CDON: variants seen among roughly 807,000 people sequenced by gnomAD.
The protein encoded by CDON is cell adhesion molecule-related/down-regulated by oncogenes.
In CDON, 73 loss-of-function variants were observed where a neutral mutation model predicts 120.9. That is an observed-to-expected ratio of 0.60 (90% CI 0.50 to 0.73). CDON has a LOEUF of 0.73. CDON is among the 30% of genes least tolerant of loss of function. The pLI, the probability that CDON is intolerant of heterozygous loss-of-function variation, is 0.00. For missense variants in CDON, 1,470 were observed against 1,587.3 expected (o/e 0.93, Z 1.26); for synonymous variants, 566 against 573.5 (o/e 0.99, Z 0.19).
chr11:125,966,162 A>G (rs2134360251), intron 18 of CDON, among the ~76,000 whole-genome samples: 1 of 152,216 alleles, frequency 6.6e-6, no homozygotes, highest in Non-Finnish European at 1.5e-5. Flanking sequence ...AATTCGATAA[A>G]AAGTACTGGG....
intron 17 of CDON, among the ~76,000 whole-genome samples, chr11:125,979,758 A>G (rs1341121122): frequency 1.3e-5 from 2 of 152,218 alleles, no homozygotes; most frequent in Non-Finnish European, 2.9e-5. Flanking sequence ...GTTTTCTTGG[A>G]CAATGGTAGT....
At chr11:126,058,022 A>G (rs1053366934) in intron 1 of CDON, among the ~76,000 whole-genome samples, 12 of 152,358 alleles carry the variant, frequency 7.9e-5, no homozygotes, top group Middle Eastern at 3.4e-3. Context: ...CCAGGCTCAC[A>G]TAAATAACAA....
At chr11:126,036,276 C>G (rs191920502) in intron 1 of CDON, among the ~76,000 whole-genome samples, 51 of 152,138 alleles carry the variant, frequency 3.4e-4, no homozygotes, top group African/African-American at 8.2e-4. Flanking sequence ...ACATTATGAC[C>G]CAATTTATTC....
At chr11:126,005,331 C>A (rs112109969) in intron 9 of CDON, 4,460 of 34,496 alleles carry the variant, frequency 0.13, 73 homozygotes, top group Middle Eastern at 0.22. Context: ...AACAAACAAA[C>A]AAAAAAAAAC....
At chr11:125,984,932 T>C (rs1281865962) in intron 15 of CDON, among the ~76,000 whole-genome samples, 3 of 152,088 alleles carry the variant, frequency 2.0e-5, no homozygotes, top group African/African-American at 7.2e-5. Context: ...CCCGTGTAGG[T>C]GCAGTACTTT....
intron 18 of CDON, among the ~76,000 whole-genome samples, chr11:125,970,113 T>C (rs1003420044): frequency 6.6e-6 from 1 of 152,046 alleles, no homozygotes; most frequent in African/African-American, 2.4e-5. Flanking sequence ...GTGTGATACT[T>C]GTTCTCATGC....
chr11:126,046,157 T>C (rs543970), intron 1 of CDON, among the ~76,000 whole-genome samples: 17,249 of 152,200 alleles, frequency 0.11, 1,305 homozygotes, highest in Middle Eastern at 0.24. Context: ...GGTATTGGGA[T>C]GGTAGGATAA....
At chr11:125,966,067 G>T (rs1855630950) in intron 18 of CDON, among the ~76,000 whole-genome samples, 1 of 151,818 alleles carries the variant, frequency 6.6e-6, no homozygotes, top group South Asian at 2.1e-4. Flanking sequence ...AACCCGAGAG[G>T]CAGAGGTTGT....
At chr11:126,009,723 C>A (rs1352966079) in intron 8 of CDON, among the ~76,000 whole-genome samples, 1 of 152,152 alleles carries the variant, frequency 6.6e-6, no homozygotes, top group African/African-American at 2.4e-5. Flanking sequence ...GGGAAAGCTG[C>A]CCTAAATGCC....
In CDON at chr11:126,018,028, T is replaced by C. The variant is rs138654254; in HGVS notation, c.640+302A>G. Among the ~76,000 whole-genome samples, 1,162 of 152,226 alleles carry C rather than the reference T, an allele frequency of 7.6e-3. 21 individuals are homozygous for C. The highest frequency in any genetic ancestry group is 0.027 in the African/African-American group (1,113 of 41,538). ...GATTCTACTGCCTCAGCCTCTCAAGTAGCTGGGACTACAGGCATGTGCTGC... is the reference window on the plus strand; with the variant it reads ...GATTCTACTGCCTCAGCCTCTCAAGCAGCTGGGACTACAGGCATGTGCTGC... On this transcript the variant is annotated intron_variant, in intron 5 of 19. Coordinates refer to ENST00000531738, the MANE Select transcript of CDON (RefSeq NM_001378964.1).
intron 16 of CDON, among the ~76,000 whole-genome samples, chr11:125,981,963 CTATTTTCTTTTTTT>C (rs1946316533): frequency 1.2e-4 from 4 of 34,154 alleles, no homozygotes; most frequent in East Asian, 1.1e-3. Context: ...AAAAGTGATT[CTATTTTCTTTTTTT>C]TTTTTTTTTT....
chr11:126,004,513 T>A (rs545341747), intron 9 of CDON: 2 of 174,098 alleles, frequency 1.1e-5, no homozygotes, highest in African/African-American at 4.9e-5. Flanking sequence ...ATATGAATTA[T>A]ATAATTATGT....
chr11:125,973,305 G>C (rs1466609794), intron 18 of CDON, among the ~76,000 whole-genome samples: 1 of 152,086 alleles, frequency 6.6e-6, no homozygotes, highest in Non-Finnish European at 1.5e-5. Flanking sequence ...GGCCAAGACG[G>C]GTGGATCATG....
intron 1 of CDON, among the ~76,000 whole-genome samples, chr11:126,024,790 A>G (rs1947745670): frequency 6.6e-6 from 1 of 152,152 alleles, no homozygotes; most frequent in African/African-American, 2.4e-5. Context: ...AGGAGAGGAG[A>G]AGAGATAAAA....
chr11:126,011,035 C>A, intron 7 of CDON: 4 of 377,886 alleles, frequency 1.1e-5, no homozygotes, highest in East Asian at 7.3e-5. Context: ...CAGACCTTAA[C>A]AGGAAAAATG....
rs187578348 is a variant in CDON at position 126,055,907 on chromosome 11, G to A, written c.-62+6672C>T. On this transcript the variant is annotated intron_variant, in intron 1 of 19. Transcript: ENST00000531738. Reference sequence around the variant, plus strand: ...ATTACATTTAAAGTGAAAAGAGCCAGCAAGTCGAGGCAATCTCCAACTTTA... The same window carrying A: ...ATTACATTTAAAGTGAAAAGAGCCAACAAGTCGAGGCAATCTCCAACTTTA... Among the ~76,000 whole-genome samples, 253 of 152,324 alleles carry A rather than the reference G, an allele frequency of 1.7e-3. 1 individual carries two copies. Among genetic ancestry groups the A allele is most frequent in the African/African-American group, 5.7e-3 (239 of 41,568 alleles).
chr11:125,972,199 G>C (rs571911578), intron 18 of CDON, among the ~76,000 whole-genome samples: 1 of 152,296 alleles, frequency 6.6e-6, no homozygotes, highest in East Asian at 1.9e-4. Context: ...GCCGAGGCGG[G>C]CAGATCACAT....
chr11:126,019,554 A>C, intron 4 of CDON, 65 bp downstream of exon 4: 1 of 1,565,804 alleles, frequency 6.4e-7, no homozygotes, highest in Non-Finnish European at 8.8e-7. Context: ...CACAGAGCTT[A>C]GAAGTAGCTT....
intron 14 of CDON, among the ~76,000 whole-genome samples, chr11:125,990,771 G>A (rs181410076): frequency 6.6e-6 from 1 of 152,318 alleles, no homozygotes; most frequent in East Asian, 1.9e-4. Flanking sequence ...CAATCTGAAA[G>A]TACAAGCCTC....
Sources: allele counts gnomAD v4.1 joint callset (sites outside exome capture counted in the v4.1 genomes callset), GRCh38; gene constraint gnomAD v4.1.1; transcripts MANE v1.5; gene names NCBI Gene and HGNC (gene_info 2026-07-23, HGNC 2026-07-21).